CENPL: variants seen among roughly 807,000 people sequenced by gnomAD.
The protein encoded by CENPL is centromere protein L.
Under a neutral mutation model 35.2 loss-of-function variants are expected in CENPL, and 20 were observed. That is an observed-to-expected ratio of 0.57 (90% CI 0.40 to 0.83). The LOEUF is 0.83. Among genes scored for constraint, CENPL ranks in the 40% least tolerant of loss-of-function variants. The pLI, the probability that CENPL is intolerant of heterozygous loss-of-function variation, is 0.00. For synonymous variants in CENPL, 140 were observed against 140.6 expected (o/e 1.00, Z 0.03); for missense variants, 363 against 395.8 (o/e 0.92, Z 0.70).
chr1:173,824,375 C>T lies in CENPL; in HGVS notation c.-265G>A, dbSNP rs1652338891. The T allele has an allele frequency of 6.6e-6, 1 of 152,344 alleles. No homozygotes were observed. Among genetic ancestry groups the T allele is most frequent in the Non-Finnish European group, 1.5e-5 (1 of 68,104 alleles). The allele number at this position is 152,344 out of a possible 1,614,324, so 9.4% of individuals were successfully genotyped here. A position where few individuals can be genotyped will look rare whatever the true frequency, so the allele number is the denominator to read the frequency against. The stretch of plus-strand genomic sequence containing the variant: ...GAAAAGGGAATTCGGCCCTCCGCCG[C>T]CTCTTCAGTTTAAAATCGTTTCCCG... On this transcript the variant is annotated 5_prime_UTR_variant, in exon 1 of 6. Transcript: ENST00000682279.
rs200745214 is a variant in CENPL at position 173,803,380 on chromosome 1, G to C, written c.546C>G (p.Pro182=). ...ETVSEDFTCL[P]LFLANGAESN... The stretch of plus-strand genomic sequence containing the variant: ...ACTCTGCTCCATTTGCAAGGAATAA[G>C]GGCAGACAGGTGAAATCTTCTGAAA... The change falls in exon 5 of 6, where the codon CCC becomes CCG. Residue 182 remains proline (P), a synonymous_variant. Coordinates refer to ENST00000682279, the MANE Select transcript of CENPL (RefSeq NM_001387287.1). 4.5e-5 allele frequency: 72 copies of C among 1,614,090 alleles called. No individual in the cohort carries two copies. The East Asian group carries it at 1.6e-3, about 36-fold the overall frequency.
At chr1:173,806,640 G>A (rs748887766) in intron 4 of CENPL, 9 of 234,494 alleles carry the variant, frequency 3.8e-5, no homozygotes, top group Middle Eastern at 3.4e-3. Context: ...CCTGTAAGTA[G>A]TATATAAGAG....
chr1:173,808,505 G>A (rs1031571198), intron 3 of CENPL: 1 of 151,424 alleles, frequency 6.6e-6, no homozygotes, highest in Non-Finnish European at 1.5e-5. Context: ...TCCAAAGGTA[G>A]TGAGTTATCT....
At chr1:173,805,423 G>A (rs1650132503) in intron 4 of CENPL, among the ~76,000 whole-genome samples, 1 of 151,474 alleles carries the variant, frequency 6.6e-6, no homozygotes, top group Middle Eastern at 3.2e-3. Context: ...GCTGAGGAGG[G>A]AGGACTACTT....
chr1:173,811,419 T>C (rs1209264779), intron 2 of CENPL, 113 bp from the exon 3 acceptor site: 1 of 717,320 alleles, frequency 1.4e-6, no homozygotes, highest in African/African-American at 1.8e-5. Flanking sequence ...TCTTTTCCCC[T>C]CCCTATCCCC....
chr1:173,813,724 C>T lies in CENPL; in HGVS notation c.-7-2418G>A, dbSNP rs188912125. On this transcript the variant is annotated intron_variant, in intron 2 of 5. Transcript: ENST00000682279. Reference sequence around the variant, plus strand: ...CAGTACCAGCCACTGCAAAAACACGCGAAATTGTAAAGATCATCAATGCTA... The same window carrying T: ...CAGTACCAGCCACTGCAAAAACACGTGAAATTGTAAAGATCATCAATGCTA... Among the ~76,000 whole-genome samples, 354 of 152,188 alleles carry T rather than the reference C, an allele frequency of 2.3e-3. 2 individuals are homozygous for T. The highest frequency in any genetic ancestry group is 7.6e-3 in the African/African-American group (314 of 41,522).
chr1:173,812,699 T>C lies in CENPL; in HGVS notation c.-7-1393A>G, dbSNP rs187578826. 4.6e-5 allele frequency among the ~76,000 whole-genome samples: 7 copies of C among 152,268 alleles called. No individual in the cohort carries two copies. The East Asian group carries it at 1.4e-3, about 29-fold the overall frequency. ...ACCAACATCAAACACCAAAGGTAGA[T>C]AAAACCACAAAAATGGGGAGAAACC... On this transcript the variant is annotated intron_variant, in intron 2 of 5. Coordinates refer to ENST00000682279, the MANE Select transcript of CENPL (RefSeq NM_001387287.1).
intron 3 of CENPL, among the ~76,000 whole-genome samples, 194 bp from the exon 4 acceptor site, chr1:173,807,712 C>T (rs1398585494): frequency 6.6e-6 from 1 of 152,150 alleles, no homozygotes; most frequent in Non-Finnish European, 1.5e-5. Flanking sequence ...CTTTAGAATG[C>T]TCTTCTCCCA....
At chr1:173,803,759 C>T (rs1442451605) in intron 4 of CENPL, among the ~76,000 whole-genome samples, 1 of 151,908 alleles carries the variant, frequency 6.6e-6, no homozygotes, top group East Asian at 1.9e-4. Context: ...GCAACCTCCA[C>T]CTCCTGGGTT....
chr1:173,820,402 G>C (rs1460347792), intron 2 of CENPL, among the ~76,000 whole-genome samples: 1 of 151,982 alleles, frequency 6.6e-6, no homozygotes, highest in Non-Finnish European at 1.5e-5. Context: ...GGTAGTCGTA[G>C]CCACTCCAGA....
chr1:173,815,625 A>G (rs1458055790), intron 2 of CENPL, among the ~76,000 whole-genome samples: 1 of 152,238 alleles, frequency 6.6e-6, no homozygotes, highest in Non-Finnish European at 1.5e-5. Flanking sequence ...GGCCTTCAAC[A>G]AAATTCAATA....
rs1649595795 is a variant in CENPL, at chr1:173,799,864, TTC to T, written c.*582_*583del. 6.6e-6 allele frequency: 1 copy of T among 152,236 alleles called. No homozygotes were observed. The highest frequency in any genetic ancestry group is 1.5e-5 in the Non-Finnish European group (1 of 68,066). 9.4% of individuals were successfully genotyped at this position (152,236 alleles called of 1,614,324 possible). A position where few individuals can be genotyped will look rare whatever the true frequency, so the allele number is the denominator to read the frequency against. ...TAAACGCTGTATTTATTTATTTTATTTCTTTTTTATTTTTTGAGGCAGAGTCT... is the reference window on the plus strand; with the variant it reads ...TAAACGCTGTATTTATTTATTTTATTTTTTTTATTTTTTGAGGCAGAGTCT... On this transcript the variant is annotated 3_prime_UTR_variant, in exon 6 of 6. Transcript: ENST00000682279.
chr1:173,819,749 T>G (rs1434240797), intron 2 of CENPL, among the ~76,000 whole-genome samples: 1 of 152,166 alleles, frequency 6.6e-6, no homozygotes, highest in Non-Finnish European at 1.5e-5. Context: ...TGGAGTGCAA[T>G]GGCGCGATCT....
chr1:173,803,415 G>T lies in CENPL; in HGVS notation c.511C>A (p.Leu171Met), dbSNP rs1205719296. The change falls in exon 5 of 6, where the codon CTG (leucine) becomes ATG (methionine). Residue 171 changes from leucine (L) to methionine (M), a missense_variant. Physicochemically the swap from Leu to Met is conservative, Grantham distance 15. Coordinates refer to ENST00000682279, the MANE Select transcript of CENPL (RefSeq NM_001387287.1). ...GTGAAATCTTCTGAAACAGTCTCCA[G>T]AAGACTGTCTCCAAATACACAGCAG... is the stretch of plus-strand genomic sequence containing the variant. ...WFCCVFGDSLLETVSEDFTCL... is the reference protein window; with the variant it reads ...WFCCVFGDSLMETVSEDFTCL... The T allele has an allele frequency of 6.2e-7, 1 of 1,614,006 alleles. No homozygotes were observed. The highest frequency in any genetic ancestry group is 1.3e-5 in the African/African-American group (1 of 74,946).
intron 4 of CENPL, among the ~76,000 whole-genome samples, chr1:173,804,644 T>C (rs541706484): frequency 6.6e-6 from 1 of 152,348 alleles, no homozygotes; most frequent in South Asian, 2.1e-4. Flanking sequence ...GTTTGCTTTA[T>C]AGGTAAATCT....
In CENPL at chr1:173,811,678, A is replaced by G. The variant is rs1650836884; in HGVS notation, c.-7-372T>C. On this transcript the variant is annotated intron_variant, in intron 2 of 5. Transcript: ENST00000682279. ...CACATTCTACTGAATTTTTCTGTCA[A>G]GAATCTGTCTAATCCAGTTCCAAGA... is the stretch of plus-strand genomic sequence containing the variant. Among the ~76,000 whole-genome samples the G allele has an allele frequency of 5.3e-5, 8 of 152,250 alleles. 1 individual carries two copies. The South Asian group carries it at 1.7e-3, about 31-fold the overall frequency.
chr1:173,809,704 T>C (rs1282765921), intron 3 of CENPL, among the ~76,000 whole-genome samples: 1 of 151,200 alleles, frequency 6.6e-6, no homozygotes, highest in African/African-American at 2.4e-5. Context: ...CCAACAATCA[T>C]ATGAAGAAAA....
chr1:173,803,478 C>T lies in CENPL; in HGVS notation c.448G>A (p.Glu150Lys). 6.3e-7 allele frequency: 1 copy of T among 1,580,066 alleles called. No homozygotes were observed. The highest frequency in any genetic ancestry group is 1.1e-5 in the South Asian group (1 of 87,094). Residue 150 changes from glutamate to lysine, a missense_variant, in exon 5 of 6, where the codon GAG becomes AAG. Physicochemically the swap from Glu to Lys is moderately conservative, Grantham distance 56. Coordinates refer to ENST00000682279, the MANE Select transcript of CENPL (RefSeq NM_001387287.1). ...CACAGCACTTTACCTTCTCTATTCT[C>T]AGATGGCAATTGAGATTTTGACACA... The part of the protein sequence containing the change: ...QIVSKSQLPS[E>K]NREGKVLWTG...
intron 2 of CENPL, among the ~76,000 whole-genome samples, chr1:173,812,222 T>G (rs1279247083): frequency 6.6e-6 from 1 of 152,226 alleles, no homozygotes; most frequent in African/African-American, 2.4e-5. Flanking sequence ...CTCTATAGAC[T>G]CCACCTCTGT....
Sources: allele counts gnomAD v4.1 joint callset (sites outside exome capture counted in the v4.1 genomes callset), GRCh38; gene constraint gnomAD v4.1.1; transcripts MANE v1.5; gene names NCBI Gene and HGNC (gene_info 2026-07-23, HGNC 2026-07-21).